Variants in MIR2052HG observed in about 807,000 individuals in gnomAD.
MIR2052HG encodes the protein MIR2052 host gene.
intron 4 of MIR2052HG, among the ~76,000 whole-genome samples, chr8:74,747,446 A>C (rs1809899166): frequency 6.6e-6 from 1 of 152,172 alleles, no homozygotes; most frequent in Non-Finnish European, 1.5e-5. Flanking sequence ...TCAAGACAAA[A>C]CAATGAGAGA....
chr8:74,728,215 G>A (rs534212589), intron 4 of MIR2052HG, among the ~76,000 whole-genome samples: 1 of 152,326 alleles, frequency 6.6e-6, no homozygotes, highest in African/African-American at 2.4e-5. Flanking sequence ...AAACATTTGA[G>A]AGTGAATTGA....
chr8:74,635,959 A>AAAAC (rs1223223108), intron 2 of MIR2052HG, among the ~76,000 whole-genome samples: 1 of 152,192 alleles, frequency 6.6e-6, no homozygotes, highest in Non-Finnish European at 1.5e-5. Flanking sequence ...TGTGGGAATT[A>AAAAC]AAACTTTCAC....
intron 2 of MIR2052HG, among the ~76,000 whole-genome samples, chr8:74,645,371 C>T (rs149313326): frequency 0.045 from 6,773 of 151,980 alleles, 245 homozygotes; most frequent in African/African-American, 0.099. Flanking sequence ...CCACAACCTC[C>T]GCCTCCCAGG....
At chr8:74,755,332 A>C (rs976488015) in intron 5 of MIR2052HG, among the ~76,000 whole-genome samples, 3 of 152,250 alleles carry the variant, frequency 2.0e-5, no homozygotes, top group Admixed American at 1.3e-4. Context: ...AGAGTTGAAG[A>C]TAAACAATGC....
intron 2 of MIR2052HG, among the ~76,000 whole-genome samples, chr8:74,663,266 A>G (rs1808886635): frequency 2.6e-5 from 4 of 152,152 alleles, no homozygotes; most frequent in Admixed American, 2.6e-4. Context: ...TGGAGTAATG[A>G]CAAAGTTTAT....
intron 3 of MIR2052HG, among the ~76,000 whole-genome samples, chr8:74,702,724 C>T (rs74596130): frequency 6.6e-6 from 1 of 152,088 alleles, no homozygotes; most frequent in African/African-American, 2.4e-5. Context: ...CTACATTAGA[C>T]TGAATTTAAT....
intron 5 of MIR2052HG, among the ~76,000 whole-genome samples, chr8:74,756,433 ACT>A (rs1185125738): frequency 6.6e-6 from 1 of 152,036 alleles, no homozygotes; most frequent in Non-Finnish European, 1.5e-5. Context: ...AATTTTTGGA[ACT>A]CTGTCCCGTG....
intron 4 of MIR2052HG, among the ~76,000 whole-genome samples, chr8:74,726,905 C>T (rs1218614939): frequency 1.3e-5 from 2 of 152,186 alleles, no homozygotes; most frequent in Admixed American, 6.5e-5. Flanking sequence ...TGGCACAACT[C>T]ATATTTTTAT....
chr8:74,755,770 T>A (rs904347257), intron 5 of MIR2052HG, among the ~76,000 whole-genome samples: 2 of 152,170 alleles, frequency 1.3e-5, no homozygotes, highest in East Asian at 3.9e-4. Flanking sequence ...CCACTTGAGA[T>A]AAAAGATAAT....
At chr8:74,611,404 T>C (rs1405103008) in intron 1 of MIR2052HG, among the ~76,000 whole-genome samples, 4 of 152,146 alleles carry the variant, frequency 2.6e-5, no homozygotes, top group African/African-American at 4.8e-5. Context: ...TTGAAAGAAT[T>C]TGGCGATTTT....
chr8:74,680,945 C>T (rs1363172759), intron 2 of MIR2052HG, among the ~76,000 whole-genome samples: 3 of 151,162 alleles, frequency 2.0e-5, no homozygotes, highest in Non-Finnish European at 4.4e-5. Context: ...TCATCATTCT[C>T]AGTAAACTAT....
chr8:74,680,506 C>T (rs1055844168), intron 2 of MIR2052HG, among the ~76,000 whole-genome samples: 8 of 152,098 alleles, frequency 5.3e-5, no homozygotes, highest in Non-Finnish European at 7.4e-5. Context: ...ATCAAAACCA[C>T]AATGAGACAC....
chr8:74,620,671 T>C (rs1808349168), intron 2 of MIR2052HG, among the ~76,000 whole-genome samples: 2 of 152,246 alleles, frequency 1.3e-5, no homozygotes, highest in Non-Finnish European at 2.9e-5. Flanking sequence ...CAGGGCACCA[T>C]GTCCTGAGGC....
chr8:74,620,689 A>T, intron 2 of MIR2052HG, among the ~76,000 whole-genome samples: 1 of 152,216 alleles, frequency 6.6e-6, no homozygotes, highest in East Asian at 1.9e-4. Flanking sequence ...GGCTGCACAG[A>T]GCAGAGTGGC....
At chr8:74,606,374 A>G (rs1184023686) in intron 1 of MIR2052HG, among the ~76,000 whole-genome samples, 1 of 152,186 alleles carries the variant, frequency 6.6e-6, no homozygotes, top group Non-Finnish European at 1.5e-5. Flanking sequence ...AAACAAGGCT[A>G]GGTGATTAAA....
chr8:74,727,577 T>C (rs1586924939), intron 4 of MIR2052HG, among the ~76,000 whole-genome samples: 2 of 152,224 alleles, frequency 1.3e-5, no homozygotes, highest in African/African-American at 4.8e-5. Flanking sequence ...TTTTAAATGC[T>C]GGTTTGAGAA....
At chr8:74,662,314 A>G (rs1468246971) in intron 2 of MIR2052HG, among the ~76,000 whole-genome samples, 1 of 152,114 alleles carries the variant, frequency 6.6e-6, no homozygotes, top group East Asian at 1.9e-4. Context: ...ATATATTCCA[A>G]GGACATTGTA....
intron 2 of MIR2052HG, among the ~76,000 whole-genome samples, chr8:74,682,472 G>T (rs1011594579): frequency 4.0e-5 from 6 of 151,754 alleles, no homozygotes; most frequent in African/African-American, 1.5e-4. Context: ...ATAATAAAAT[G>T]GTCAAAAGAT....
chr8:74,730,478 A>G (rs566114073), intron 4 of MIR2052HG, among the ~76,000 whole-genome samples: 11 of 152,328 alleles, frequency 7.2e-5, no homozygotes, highest in African/African-American at 2.6e-4. Context: ...TTGACAGATG[A>G]AGCAATATGA....
Sources: allele counts gnomAD v4.1 joint callset (sites outside exome capture counted in the v4.1 genomes callset), GRCh38; gene constraint gnomAD v4.1.1; transcripts MANE v1.5; gene names NCBI Gene and HGNC (gene_info 2026-07-23, HGNC 2026-07-21).